The following ZBTB7C variants were observed in gnomAD, a reference collection of about 807,000 sequenced individuals.
ZBTB7C encodes zinc finger and BTB domain containing 7C, also known as zinc finger and BTB domain-containing protein 7C.
In ZBTB7C, 8 loss-of-function variants were observed where a neutral mutation model predicts 25.7. The ratio of observed to expected loss-of-function variants is 0.31; its 90% confidence interval spans 0.18 to 0.56. The LOEUF (loss-of-function observed/expected upper bound fraction) is 0.56. Ranked by LOEUF, ZBTB7C falls within the 20% of genes least tolerant of loss-of-function variation. The pLI, the probability that ZBTB7C is intolerant of heterozygous loss-of-function variation, is 0.91. For synonymous variants in ZBTB7C, 394 were observed against 369.0 expected (o/e 1.07, Z -0.78); for missense variants, 824 against 855.2 (o/e 0.96, Z 0.46).
intron 4 of ZBTB7C, among the ~76,000 whole-genome samples, chr18:48,033,415 A>T (rs1354362417): frequency 6.6e-6 from 1 of 152,224 alleles, no homozygotes; most frequent in Non-Finnish European, 1.5e-5. Context: ...GAAAGGGCAG[A>T]CCAGAACAAT....
At chr18:48,217,155 G>A (rs2042842946) in intron 2 of ZBTB7C, among the ~76,000 whole-genome samples, 1 of 152,164 alleles carries the variant, frequency 6.6e-6, no homozygotes, top group African/African-American at 2.4e-5. Context: ...CAGACACCTG[G>A]CCTGCAGAGC....
intron 1 of ZBTB7C, among the ~76,000 whole-genome samples, chr18:48,395,322 G>T (rs1232712363): frequency 7.5e-6 from 1 of 133,976 alleles, no homozygotes; most frequent in Non-Finnish European, 1.6e-5. Context: ...TGTGTCAGAG[G>T]GGTTGGGGGT....
chr18:48,034,113 T>C (rs2035871218), intron 4 of ZBTB7C, among the ~76,000 whole-genome samples: 1 of 152,156 alleles, frequency 6.6e-6, no homozygotes, highest in African/African-American at 2.4e-5. Flanking sequence ...AGAGCTGAGC[T>C]CTTAGTTACT....
chr18:48,065,465 T>C (rs1489236475), intron 3 of ZBTB7C, among the ~76,000 whole-genome samples: 1 of 152,224 alleles, frequency 6.6e-6, no homozygotes, highest in East Asian at 1.9e-4. Flanking sequence ...CCTTTTAATA[T>C]CCTGCAGAAC....
chr18:48,207,398 A>G (rs2042599957), intron 2 of ZBTB7C, among the ~76,000 whole-genome samples: 1 of 152,254 alleles, frequency 6.6e-6, no homozygotes, highest in South Asian at 2.1e-4. Flanking sequence ...GTCTCAACCT[A>G]GAAATAATCA....
intron 2 of ZBTB7C, among the ~76,000 whole-genome samples, chr18:48,271,267 C>T (rs950812494): frequency 4.6e-5 from 7 of 152,128 alleles, no homozygotes; most frequent in South Asian, 4.1e-4. Flanking sequence ...ACCTTAATAA[C>T]GTCACACAGA....
intron 4 of ZBTB7C, among the ~76,000 whole-genome samples, chr18:48,038,730 C>T (rs7235188): frequency 0.046 from 6,984 of 152,176 alleles, 245 homozygotes; most frequent in African/African-American, 0.087. Context: ...GCACCGCCAC[C>T]GGAACAAGTG....
intron 3 of ZBTB7C, among the ~76,000 whole-genome samples, chr18:48,080,308 C>A (rs1054427785): frequency 2.0e-5 from 3 of 152,194 alleles, no homozygotes; most frequent in Non-Finnish European, 4.4e-5. Flanking sequence ...CCTGCCAGAT[C>A]CAAGTTGCCC....
At chr18:48,383,115 A>T (rs2047669928) in intron 1 of ZBTB7C, among the ~76,000 whole-genome samples, 1 of 152,134 alleles carries the variant, frequency 6.6e-6, no homozygotes, top group Non-Finnish European at 1.5e-5. Context: ...GAAGACCATG[A>T]GTCCAATTGT....
intron 2 of ZBTB7C, among the ~76,000 whole-genome samples, chr18:48,333,825 GC>G (rs1363988878): frequency 6.6e-6 from 1 of 152,120 alleles, no homozygotes; most frequent in African/African-American, 2.4e-5. Flanking sequence ...AGCATCAAAG[GC>G]CCATTAACCC....
At chr18:48,243,026 G>A (rs2043572590) in intron 2 of ZBTB7C, among the ~76,000 whole-genome samples, 1 of 151,996 alleles carries the variant, frequency 6.6e-6, no homozygotes, top group Non-Finnish European at 1.5e-5. Flanking sequence ...CAATTTGGGA[G>A]GCCGAGGCAG....
chr18:48,098,079 C>T (rs2038703167), intron 3 of ZBTB7C, among the ~76,000 whole-genome samples: 1 of 152,150 alleles, frequency 6.6e-6, no homozygotes, highest in South Asian at 2.1e-4. Flanking sequence ...AGAAACAAAA[C>T]CCCCACAAAC....
rs114140077 is a variant in ZBTB7C at position 48,356,226 on chromosome 18, C to T, written c.-303-17828G>A. The stretch of plus-strand genomic sequence containing the variant: ...GTCGGACTGTTACAGAGACCCCATC[C>T]CCAGGTATTTCTCAGGCATCTCCAA... On this transcript the variant is annotated intron_variant, in intron 1 of 4. Transcript: ENST00000590800. Among the ~76,000 whole-genome samples, 460 of 152,266 alleles carry T rather than the reference C, an allele frequency of 3.0e-3. 3 individuals carry two copies. The highest frequency in any genetic ancestry group is 0.01 in the African/African-American group (436 of 41,560).
Position 48,028,139 on chromosome 18 carries a change from G to T in ZBTB7C, c.*1121C>A, listed in dbSNP as rs186640763. The T allele has an allele frequency of 2.6e-5, 4 of 152,150 alleles. No individual in the cohort carries two copies. Among genetic ancestry groups the T allele is most frequent in the Admixed American group, 2.6e-4 (4 of 15,272 alleles). 9.4% of individuals were successfully genotyped at this position (152,150 alleles called of 1,614,324 possible). A position where few individuals can be genotyped will look rare whatever the true frequency, so the allele number is the denominator to read the frequency against. On this transcript the variant is annotated 3_prime_UTR_variant, in exon 5 of 5. Coordinates refer to ENST00000590800, the MANE Select transcript of ZBTB7C (RefSeq NM_001318841.2). ...AACAAACAGATAAACCCTAGAAACC[G>T]GTGTTTTGTCTGTTGTCAGGAATCA...
chr18:48,231,048 G>T (rs2105772), intron 2 of ZBTB7C, among the ~76,000 whole-genome samples: 21,219 of 152,160 alleles, frequency 0.14, 1,913 homozygotes, highest in East Asian at 0.49. Flanking sequence ...GTCTGAAGGG[G>T]TGCTAAGGGT....
At chr18:48,356,254 G>C (rs911568329) in intron 1 of ZBTB7C, among the ~76,000 whole-genome samples, 2 of 152,170 alleles carry the variant, frequency 1.3e-5, no homozygotes, top group Non-Finnish European at 2.9e-5. Flanking sequence ...ATCTCCAAGT[G>C]AACTCGCTCA....
intron 1 of ZBTB7C, among the ~76,000 whole-genome samples, chr18:48,388,078 C>T (rs1344535034): frequency 3.9e-5 from 6 of 152,112 alleles, no homozygotes; most frequent in Non-Finnish European, 2.9e-5. Context: ...CCGCCCTCCT[C>T]GGCCTCCCAA....
intron 3 of ZBTB7C, among the ~76,000 whole-genome samples, chr18:48,065,214 CAGTT>C (rs1216252645): frequency 1.3e-5 from 2 of 151,772 alleles, no homozygotes; most frequent in Admixed American, 1.3e-4. Context: ...AAGTGAGTGA[CAGTT>C]AGCAGCAGCA....
At chr18:48,282,884 G>T (rs543942744) in intron 2 of ZBTB7C, among the ~76,000 whole-genome samples, 1 of 152,296 alleles carries the variant, frequency 6.6e-6, no homozygotes, top group South Asian at 2.1e-4. Flanking sequence ...CCTGAGGATG[G>T]CTTATGGGGT....
Sources: allele counts gnomAD v4.1 joint callset (sites outside exome capture counted in the v4.1 genomes callset), GRCh38; gene constraint gnomAD v4.1.1; transcripts MANE v1.5; gene names NCBI Gene and HGNC (gene_info 2026-07-23, HGNC 2026-07-21).